Variants in UBAP2 observed in about 807,000 individuals in gnomAD.
UBAP2 encodes ubiquitin-associated protein 2.
In UBAP2, 75 loss-of-function variants were observed where a neutral mutation model predicts 139.6. The ratio of observed to expected loss-of-function variants is 0.54; its 90% CI spans 0.45 to 0.65. The LOEUF is 0.65. Among genes scored for constraint, UBAP2 ranks in the 30% least tolerant of loss-of-function variants. The probability of loss-of-function intolerance (pLI) is 0.00; values close to 1 mark genes in which losing one functional copy is unlikely to be tolerated. For missense variants in UBAP2, 1,368 were observed against 1,369.6 expected, an observed-to-expected ratio of 1.00 and a Z score of 0.02; for synonymous variants, 526 against 526.2, an observed-to-expected ratio of 1.00 and a Z score of 0.01.
At chr9:33,943,988 G>C (rs1825452027) in intron 14 of UBAP2, among the ~76,000 whole-genome samples, 1 of 152,172 alleles carries the variant, frequency 6.6e-6, no homozygotes, top group Non-Finnish European at 1.5e-5. Flanking sequence ...ATGCGGGGGA[G>C]TTGTGATGGT....
Position 33,944,375 on chromosome 9 carries a change from G to A in UBAP2, c.1535C>T (p.Pro512Leu), listed in dbSNP as rs985846548. 2 of 1,612,102 alleles carry A rather than the reference G, an allele frequency of 1.2e-6. No individual in the cohort carries two copies. Among genetic ancestry groups the A allele is most frequent in the Admixed American group, 1.7e-5 (1 of 59,964 alleles). Residue 512 changes from proline to leucine, a missense_variant, in exon 14 of 29, where the codon CCA becomes CTA. Transcript: ENST00000379238. Reference protein sequence around the residue: ...HIKLAKRRIPPASKIPASAVE... With the variant: ...HIKLAKRRIPLASKIPASAVE... ...TGATGAAATGCCCACCTTAGAAGCTGGGGGTATCCGCCGCTTAGCAAGTTT... is the reference window on the plus strand; with the variant it reads ...TGATGAAATGCCCACCTTAGAAGCTAGGGGTATCCGCCGCTTAGCAAGTTT...
At chr9:33,977,003 CTCGG>C (rs1820186061) in intron 6 of UBAP2, among the ~76,000 whole-genome samples, 1 of 146,178 alleles carries the variant, frequency 6.8e-6, no homozygotes, top group Non-Finnish European at 1.5e-5. Flanking sequence ...CAAAGTAAGA[CTCGG>C]TCTTGGAAAA....
Position 33,935,884 on chromosome 9 carries a change from A to C in UBAP2, c.1930-6T>G, listed in dbSNP as rs748179322. 1.2e-6 allele frequency: 2 copies of C among 1,611,394 alleles called. No homozygotes were observed. Among genetic ancestry groups the C allele is most frequent in the Admixed American group, 3.4e-5 (2 of 59,238 alleles). ...CGACCACCACCATGTCCATTCTATA[A>C]GGAAAAGAAGAGAAGAGAATATAAA... is the stretch of plus-strand genomic sequence containing the variant. On this transcript the variant is annotated splice_polypyrimidine_tract_variant and splice_region_variant and intron_variant, in intron 16 of 28. Transcript: ENST00000379238.
chr9:33,954,269 T>TACACACACACACACACAC (rs60078088), intron 11 of UBAP2, among the ~76,000 whole-genome samples: 9,742 of 139,634 alleles, frequency 0.07, 465 homozygotes, highest in Non-Finnish European at 0.091. Flanking sequence ...TGTGTGTATA[T>TACACACACACACACACAC]ACACACACAC....
At chr9:33,971,417 T>C (rs951683753) in intron 8 of UBAP2, among the ~76,000 whole-genome samples, 1 of 152,224 alleles carries the variant, frequency 6.6e-6, no homozygotes, top group Admixed American at 6.5e-5. Flanking sequence ...TTACCTTATA[T>C]AGCCTCTTTC....
chr9:33,969,433 CAGTA>C (rs754898989), intron 8 of UBAP2, among the ~76,000 whole-genome samples: 15 of 151,872 alleles, frequency 9.9e-5, no homozygotes, highest in South Asian at 2.1e-4. Context: ...ATAGTTCCAG[CAGTA>C]AGTACTAGGG....
intron 8 of UBAP2, among the ~76,000 whole-genome samples, chr9:33,971,369 C>T (rs1827903457): frequency 6.6e-6 from 1 of 152,202 alleles, no homozygotes; most frequent in African/African-American, 2.4e-5. Flanking sequence ...CTGTGACATA[C>T]TTTGATCAGA....
At chr9:33,938,718 C>T (rs1035593923) in intron 16 of UBAP2, among the ~76,000 whole-genome samples, 3 of 150,800 alleles carry the variant, frequency 2.0e-5, no homozygotes, top group Non-Finnish European at 4.4e-5. Flanking sequence ...ATCGCTTGAA[C>T]CCGGGAGGTG....
At chr9:33,932,653 A>G (rs1164760044) in intron 18 of UBAP2, 25 bp from the exon 19 acceptor site, 1 of 1,612,784 alleles carries the variant, frequency 6.2e-7, no homozygotes, top group Non-Finnish European at 8.5e-7. Flanking sequence ...AGAGCGCCGT[A>G]TGTCCACCTG....
chr9:33,932,839 G>C (rs972487426), intron 18 of UBAP2, among the ~76,000 whole-genome samples: 3 of 152,208 alleles, frequency 2.0e-5, no homozygotes, highest in Non-Finnish European at 4.4e-5. Context: ...GAAAACTCCA[G>C]AGCCAGCTTC....
chr9:33,923,705 C>T, intron 24 of UBAP2, 90 bp downstream of exon 24: 1 of 1,381,456 alleles, frequency 7.2e-7, no homozygotes, highest in Non-Finnish European at 1.0e-6. Flanking sequence ...GAATCACAAC[C>T]CTCCCTCCCT....
chr9:33,953,227 A>G (rs1168760746), intron 12 of UBAP2, 58 bp downstream of exon 12: 2 of 1,464,658 alleles, frequency 1.4e-6, no homozygotes, highest in Admixed American at 4.2e-5. Context: ...ATATTCTAGA[A>G]TACATTTGCT....
intron 4 of UBAP2, among the ~76,000 whole-genome samples, chr9:33,990,640 T>TTG: frequency 6.8e-6 from 1 of 147,834 alleles, no homozygotes; most frequent in African/African-American, 2.5e-5. Context: ...CCCCCCAATT[T>TTG]TTTTTTTTTT....
chr9:34,010,896 G>A (rs1464338722), intron 2 of UBAP2, among the ~76,000 whole-genome samples: 2 of 152,134 alleles, frequency 1.3e-5, no homozygotes, highest in Non-Finnish European at 2.9e-5. Flanking sequence ...TGTCAGAGTA[G>A]AAGATAAACC....
intron 4 of UBAP2, chr9:33,995,156 A>C (rs1822043431): frequency 6.6e-6 from 1 of 152,060 alleles, no homozygotes; most frequent in Non-Finnish European, 1.5e-5. Context: ...CAGGAGTTTG[A>C]GACCAGTCTG....
intron 5 of UBAP2, 49 bp from the exon 6 acceptor site, chr9:33,986,886 G>A: frequency 6.7e-7 from 1 of 1,499,028 alleles, no homozygotes; most frequent in Non-Finnish European, 9.3e-7. Flanking sequence ...CAAACCTCTT[G>A]TACATAACCT....
intron 1 of UBAP2, among the ~76,000 whole-genome samples, chr9:34,024,121 G>T (rs528535534): frequency 6.6e-6 from 1 of 152,274 alleles, no homozygotes; most frequent in East Asian, 1.9e-4. Flanking sequence ...CATTTTGGGA[G>T]GCCGAGCCGG....
intron 1 of UBAP2, among the ~76,000 whole-genome samples, chr9:34,023,118 C>A (rs553974888): frequency 2.0e-5 from 3 of 150,850 alleles, no homozygotes; most frequent in Non-Finnish European, 4.4e-5. Context: ...CCCAGCTACT[C>A]GGGAGGCTGA....
At chr9:33,961,014 A>G in intron 9 of UBAP2, 136 bp from the exon 10 acceptor site, 1 of 743,790 alleles carries the variant, frequency 1.3e-6, no homozygotes, top group Non-Finnish European at 2.3e-6. Context: ...ACAACCCAAG[A>G]AACATGACGT....
Sources: allele counts gnomAD v4.1 joint callset (sites outside exome capture counted in the v4.1 genomes callset), GRCh38; gene constraint gnomAD v4.1.1; transcripts MANE v1.5; gene names NCBI Gene and HGNC (gene_info 2026-07-23, HGNC 2026-07-21).